Variants in MACROD2 observed in about 807,000 individuals in gnomAD.
MACROD2 encodes ADP-ribose glycohydrolase MACROD2.
In MACROD2, 36 loss-of-function variants were observed where a neutral mutation model predicts 70.4. That is an observed-to-expected ratio of 0.51 (90% CI 0.39 to 0.68). The LOEUF (loss-of-function observed/expected upper bound fraction) is 0.68, where lower values mean the gene tolerates loss of function less well. Among genes scored for constraint, MACROD2 ranks in the 30% least tolerant of loss-of-function variants. The probability of loss-of-function intolerance (pLI) is 0.00; values close to 1 mark genes in which losing one functional copy is unlikely to be tolerated. For missense variants in MACROD2, 496 were observed against 538.4 expected (o/e 0.92, Z 0.78); for synonymous variants, 172 against 178.8 (o/e 0.96, Z 0.30).
intron 4 of MACROD2, among the ~76,000 whole-genome samples, chr20:14,527,555 C>T (rs1359574742): frequency 2.0e-5 from 3 of 152,118 alleles, no homozygotes; most frequent in Non-Finnish European, 4.4e-5. Context: ...ATAAAAGATG[C>T]ATCAACGAAT....
At chr20:15,206,927 G>A (rs1232500920) in intron 5 of MACROD2, among the ~76,000 whole-genome samples, 20 of 149,750 alleles carry the variant, frequency 1.3e-4, no homozygotes, top group South Asian at 2.1e-4. Flanking sequence ...TAGTAGAGAC[G>A]GGGTTTCACC....
intron 5 of MACROD2, among the ~76,000 whole-genome samples, chr20:14,874,285 GATTCATTTATTTATTTATTT>G (rs1403914515): frequency 8.2e-5 from 11 of 134,456 alleles, no homozygotes; most frequent in Admixed American, 1.5e-4. Context: ...ATCAAATGGA[GATTCATTTATTTATTTATTT>G]ATTTATTTAT....
chr20:15,288,710 A>G (rs2077513950), intron 6 of MACROD2, among the ~76,000 whole-genome samples: 1 of 152,028 alleles, frequency 6.6e-6, no homozygotes, highest in East Asian at 1.9e-4. Flanking sequence ...AGTCTGCCTG[A>G]TTCTCAGGCC....
rs576538753 is a variant in MACROD2 at position 14,034,471 on chromosome 20, A to G, written c.163+32067A>G. The stretch of plus-strand genomic sequence containing the variant: ...CTGTAAGAATAATTTCCAGCCATGG[A>G]ATTGCTAGGGTATGCAATTTCAAAT... On this transcript the variant is annotated intron_variant, in intron 2 of 17. Coordinates refer to ENST00000684519, the MANE Select transcript of MACROD2 (RefSeq NM_001351661.2). Among the ~76,000 whole-genome samples, 63 of 152,328 alleles carry G rather than the reference A, an allele frequency of 4.1e-4. 1 individual carries two copies. The South Asian group carries it at 5.2e-3, about 13-fold the overall frequency.
intron 5 of MACROD2, among the ~76,000 whole-genome samples, chr20:15,062,924 A>T (rs995376202): frequency 6.6e-6 from 1 of 152,228 alleles, no homozygotes; most frequent in African/African-American, 2.4e-5. Context: ...GAAAACCTCC[A>T]TTATTGCCAG....
intron 5 of MACROD2, among the ~76,000 whole-genome samples, chr20:14,692,272 G>A (rs2071073879): frequency 1.3e-5 from 2 of 152,228 alleles, no homozygotes; most frequent in African/African-American, 2.4e-5. Flanking sequence ...GTGGAATCCA[G>A]TAGCACCCTT....
intron 3 of MACROD2, among the ~76,000 whole-genome samples, chr20:14,295,105 A>C (rs2082416288): frequency 6.6e-6 from 1 of 151,854 alleles, no homozygotes; most frequent in African/African-American, 2.4e-5. Flanking sequence ...CACTTAGTTC[A>C]TAAATTAATA....
rs1600255036 is a variant in MACROD2 at position 15,334,427 on chromosome 20, A to G, written c.541-96978A>G. On this transcript the variant is annotated intron_variant, in intron 6 of 17. Transcript: ENST00000684519. ...GTGGTGGAAACAGCAAGATATTTGG[A>G]GCCAGACAAGGTAGTTCTGACTCAA... 4.0e-5 allele frequency among the ~76,000 whole-genome samples: 6 copies of G among 151,800 alleles called. 1 individual carries two copies. The East Asian group carries it at 1.2e-3, about 29-fold the overall frequency.
At chr20:15,540,335 A>G (rs1023795826) in intron 8 of MACROD2, among the ~76,000 whole-genome samples, 14 of 152,198 alleles carry the variant, frequency 9.2e-5, no homozygotes, top group African/African-American at 3.4e-4. Flanking sequence ...TACTAAAGGA[A>G]TGACATGGCC....
chr20:14,039,903 A>G (rs1193495075), intron 2 of MACROD2, among the ~76,000 whole-genome samples: 2 of 151,990 alleles, frequency 1.3e-5, no homozygotes, highest in Non-Finnish European at 2.9e-5. Context: ...TTTATTTTTG[A>G]ATTTAACTCA....
At position 15,185,454 on chromosome 20, in the gene MACROD2, A is replaced by C. The variant is rs144761075; in HGVS notation, c.419-44486A>C. ...TGAGTGTGTAACAAGTGGTGATTTC[A>C]TTTAAGCAACATGCTGTATCATTTA... On this transcript the variant is annotated intron_variant, in intron 5 of 17. Transcript: ENST00000684519. Among the ~76,000 whole-genome samples the C allele has an allele frequency of 2.0e-5, 3 of 152,274 alleles. 1 individual carries two copies. The East Asian group carries it at 5.8e-4, about 29-fold the overall frequency.
At chr20:14,956,124 C>T (rs2074534860) in intron 5 of MACROD2, among the ~76,000 whole-genome samples, 1 of 151,464 alleles carries the variant, frequency 6.6e-6, no homozygotes, top group Admixed American at 6.6e-5. Context: ...CCTAGGCTAG[C>T]ATTTATTTGT....
chr20:15,085,818 C>T (rs1424242262), intron 5 of MACROD2, among the ~76,000 whole-genome samples: 2 of 151,038 alleles, frequency 1.3e-5, no homozygotes, highest in Non-Finnish European at 2.9e-5. Context: ...ATAATATATT[C>T]AAAGCATTAT....
chr20:15,699,804 C>T (rs889018658), intron 8 of MACROD2, among the ~76,000 whole-genome samples: 1 of 152,158 alleles, frequency 6.6e-6, no homozygotes, highest in African/African-American at 2.4e-5. Flanking sequence ...TTACAAAGTT[C>T]GACTAGAGAA....
chr20:14,275,785 GA>G, intron 3 of MACROD2, among the ~76,000 whole-genome samples: 1 of 151,622 alleles, frequency 6.6e-6, no homozygotes, highest in Non-Finnish European at 1.5e-5. Flanking sequence ...AAATTTACAA[GA>G]AAAAAACAAC....
intron 5 of MACROD2, among the ~76,000 whole-genome samples, chr20:15,137,909 C>G (rs2076162883): frequency 6.6e-6 from 1 of 152,070 alleles, no homozygotes; most frequent in Non-Finnish European, 1.5e-5. Flanking sequence ...TTCTACTCTT[C>G]ATTTTGCTCC....
intron 5 of MACROD2, among the ~76,000 whole-genome samples, chr20:15,083,886 C>T (rs974317902): frequency 2.0e-5 from 3 of 152,002 alleles, no homozygotes; most frequent in African/African-American, 7.2e-5. Flanking sequence ...ATCCTATGTT[C>T]TGTATCTCTG....
chr20:14,660,362 A>G (rs1199527756), intron 4 of MACROD2, among the ~76,000 whole-genome samples: 1 of 152,238 alleles, frequency 6.6e-6, no homozygotes, highest in Non-Finnish European at 1.5e-5. Flanking sequence ...TGCTTCTCAC[A>G]TACATGTTAA....
At chr20:14,288,410 G>GA (rs2082361149) in intron 3 of MACROD2, among the ~76,000 whole-genome samples, 1 of 152,110 alleles carries the variant, frequency 6.6e-6, no homozygotes, top group African/African-American at 2.4e-5. Flanking sequence ...TCAGGTGAGA[G>GA]AAAAATAAAC....
Sources: allele counts gnomAD v4.1 joint callset (sites outside exome capture counted in the v4.1 genomes callset), GRCh38; gene constraint gnomAD v4.1.1; transcripts MANE v1.5; gene names NCBI Gene and HGNC (gene_info 2026-07-23, HGNC 2026-07-21).